Variants in SH3GL1 observed in about 807,000 individuals in gnomAD.
SH3GL1 encodes the protein SH3 domain containing GRB2 like 1, endophilin A2, also known as endophilin-A2.
A neutral mutation model predicts 48.8 loss-of-function variants in SH3GL1; 21 were observed. The observed-to-expected ratio is 0.43, with a 90% CI of 0.30 to 0.62. SH3GL1 has a LOEUF of 0.62. Ranked by LOEUF, SH3GL1 falls within the 20% of genes least tolerant of loss-of-function variation. The pLI, the probability that SH3GL1 is intolerant of heterozygous loss-of-function variation, is 0.11. For synonymous variants in SH3GL1, 282 were observed against 217.5 expected (o/e 1.30, Z -2.61); for missense variants, 454 against 503.0 (o/e 0.90, Z 0.93).
At chr19:4,363,688 C>A in intron 6 of SH3GL1, 32 bp downstream of exon 6, 2 of 1,611,912 alleles carry the variant, frequency 1.2e-6, no homozygotes, top group Non-Finnish European at 1.7e-6. Context: ...GGGCATAGGT[C>A]TTCTCAGGAT....
rs538995591 is a variant in SH3GL1, at chr19:4,364,501, G to T, written c.332-280C>A. On this transcript the variant is annotated intron_variant, in intron 4 of 9. Coordinates refer to ENST00000269886, the MANE Select transcript of SH3GL1 (RefSeq NM_003025.4). ...GCTGCAGTGCAGTGGCATGATCTCA[G>T]CTCACTGCAACCTCTGCCTCCCAGG... is the stretch of plus-strand genomic sequence containing the variant. The T allele has an allele frequency of 8.7e-4, 377 of 434,204 alleles. 6 individuals are homozygous for T. Among genetic ancestry groups the T allele is most frequent in the South Asian group, 8.0e-3 (358 of 44,608 alleles). 26.9% of individuals were successfully genotyped at this position (434,204 alleles called of 1,614,324 possible).
chr19:4,374,742 C>T (rs1972972085), intron 1 of SH3GL1, among the ~76,000 whole-genome samples: 1 of 152,206 alleles, frequency 6.6e-6, no homozygotes, highest in African/African-American at 2.4e-5. Context: ...TGGCCTGGCC[C>T]CTGGGCCCCT....
intron 9 of SH3GL1, among the ~76,000 whole-genome samples, chr19:4,362,021 G>A (rs1972630911): frequency 6.6e-6 from 1 of 152,214 alleles, no homozygotes; most frequent in Admixed American, 6.5e-5. Context: ...AGCTACTCCT[G>A]GGAAGTGCTG....
intron 3 of SH3GL1, among the ~76,000 whole-genome samples, chr19:4,366,191 A>C (rs867929979): frequency 1.3e-5 from 2 of 152,202 alleles, no homozygotes; most frequent in Non-Finnish European, 2.9e-5. Flanking sequence ...GGGGCGGCCA[A>C]TACAAATGGA....
chr19:4,382,319 G>A (rs543020393), intron 1 of SH3GL1, among the ~76,000 whole-genome samples: 258 of 144,336 alleles, frequency 1.8e-3, no homozygotes, highest in African/African-American at 6.3e-3. Context: ...GTGCAGTGGC[G>A]CGATCTCGGC....
chr19:4,390,987 A>C (rs540056931), intron 1 of SH3GL1, among the ~76,000 whole-genome samples: 1 of 152,286 alleles, frequency 6.6e-6, no homozygotes, highest in Admixed American at 6.5e-5. Context: ...ATCACGGAGG[A>C]GGAAAAGGGC....
intron 1 of SH3GL1, among the ~76,000 whole-genome samples, chr19:4,383,400 TTTTTTGG>T (rs990003759): frequency 6.6e-6 from 1 of 151,748 alleles, no homozygotes; most frequent in African/African-American, 2.4e-5. Flanking sequence ...TTATTTTTTA[TTTTTTGG>T]TATTTTTGTA....
Position 4,363,810 on chromosome 19 carries a change from G to A in SH3GL1, c.534C>T (p.Ile178=), listed in dbSNP as rs762381846. The change falls in exon 6 of 10, where the codon ATC becomes ATT. Residue 178 remains isoleucine (I), a synonymous_variant. Coordinates refer to ENST00000269886, the MANE Select transcript of SH3GL1 (RefSeq NM_003025.4). The part of the protein sequence containing the change: ...FDYKKKRQGK[I]PDEELRQALE... ...GCGCCTGGCGTAGCTCCTCATCGGG[G>A]ATCTTGCCCTGCCGCTTCTTCTTGT... 6.8e-6 allele frequency: 11 copies of A among 1,613,544 alleles called. No homozygotes were observed. The highest frequency in any genetic ancestry group is 3.5e-4 in the Middle Eastern group (2 of 5,726).
At chr19:4,393,641 T>C (rs1002525836) in intron 1 of SH3GL1, among the ~76,000 whole-genome samples, 4 of 151,570 alleles carry the variant, frequency 2.6e-5, no homozygotes, top group African/African-American at 9.7e-5. Context: ...AATACAAAAA[T>C]GAGCTGGGCG....
At chr19:4,371,546 G>T (rs577882462) in intron 1 of SH3GL1, among the ~76,000 whole-genome samples, 1 of 152,260 alleles carries the variant, frequency 6.6e-6, no homozygotes, top group Non-Finnish European at 1.5e-5. Flanking sequence ...TGAATTCACA[G>T]GGTTTTGTTT....
At chr19:4,379,141 C>A (rs1033623993) in intron 1 of SH3GL1, among the ~76,000 whole-genome samples, 1 of 152,140 alleles carries the variant, frequency 6.6e-6, no homozygotes, top group African/African-American at 2.4e-5. Flanking sequence ...GTTCTACTGG[C>A]GGACGAGGGC....
Position 4,361,449 on chromosome 19 carries a change from C to T in SH3GL1, c.*151G>A. Reference sequence around the variant, plus strand: ...AAGCCCCCCCACCCAAGTGTGGGGTCCTGCTCAGGGAGTACCTCAAGGGCC... The same window carrying T: ...AAGCCCCCCCACCCAAGTGTGGGGTTCTGCTCAGGGAGTACCTCAAGGGCC... On this transcript the variant is annotated 3_prime_UTR_variant, in exon 10 of 10. Transcript: ENST00000269886. 1.6e-6 allele frequency: 1 copy of T among 622,920 alleles called. No homozygotes were observed. The highest frequency in any genetic ancestry group is 2.8e-6 in the Non-Finnish European group (1 of 355,724). The allele number at this position is 622,920 out of a possible 1,614,324, so 38.6% of individuals were successfully genotyped here.
intron 1 of SH3GL1, among the ~76,000 whole-genome samples, chr19:4,391,554 G>A (rs931999877): frequency 6.6e-6 from 1 of 152,200 alleles, no homozygotes; most frequent in Non-Finnish European, 1.5e-5. Context: ...AGAAATCGGA[G>A]TCTGATGACC....
chr19:4,390,843 C>G (rs1191612217), intron 1 of SH3GL1, among the ~76,000 whole-genome samples: 1 of 152,052 alleles, frequency 6.6e-6, no homozygotes, highest in Non-Finnish European at 1.5e-5. Context: ...CTCTGAGCTT[C>G]TCCTCTAAGC....
chr19:4,388,149 G>A (rs1049508194), intron 1 of SH3GL1, among the ~76,000 whole-genome samples: 9 of 152,152 alleles, frequency 5.9e-5, no homozygotes, highest in East Asian at 3.8e-4. Flanking sequence ...GTGAGCCATC[G>A]TGTCCGGCCT....
rs150549529 is a variant in SH3GL1, at chr19:4,388,008, C to T, written c.45+12316G>A. Among the ~76,000 whole-genome samples the T allele has an allele frequency of 2.6e-3, 392 of 152,142 alleles. 1 individual carries two copies. Among genetic ancestry groups the T allele is most frequent in the African/African-American group, 9.1e-3 (378 of 41,502 alleles). On this transcript the variant is annotated intron_variant, in intron 1 of 9. Coordinates refer to ENST00000269886, the MANE Select transcript of SH3GL1 (RefSeq NM_003025.4). ...CTGAGTAGCTGGGATTACAGCCATG[C>T]GCCACCCACGCCCAGCTAATTTTTG...
rs796369655 is a variant in SH3GL1, at chr19:4,362,787, GC to G, written c.729-52del. ...CCGAGCCCGTGTCACGGCCGAGGCA[GC>G]CCCACTCTTGTATTTATGCTGCTGC... On this transcript the variant is annotated intron_variant, in intron 7 of 9. Transcript: ENST00000269886. 5.0e-6 allele frequency: 8 copies of G among 1,611,014 alleles called. No individual in the cohort carries two copies. In the African/African-American group the frequency reaches 1.1e-4, roughly 21 times the overall value.
Position 4,366,935 on chromosome 19 carries a change from C to T in SH3GL1, c.105G>A (p.Glu35=). The change falls in exon 2 of 10, where the codon GAG becomes GAA. Residue 35 remains glutamate, a synonymous_variant. Transcript: ENST00000269886. The part of the protein sequence containing the change: ...EGTKLDDDFK[E]MEKKVDVTSK... ...GCAGTTTCTTCCTCACCTTCTCCAT[C>T]TCTTTGAAGTCATCATCCAGCTTGG... 6.2e-7 allele frequency: 1 copy of T among 1,613,928 alleles called. No individual in the cohort carries two copies. Among genetic ancestry groups the T allele is most frequent in the African/African-American group, 1.3e-5 (1 of 75,066 alleles).
intron 1 of SH3GL1, among the ~76,000 whole-genome samples, chr19:4,395,043 G>A (rs936647085): frequency 2.0e-5 from 3 of 152,398 alleles, no homozygotes; most frequent in African/African-American, 4.8e-5. Flanking sequence ...GAGCCCCGAT[G>A]CCTGTGGCTC....
Sources: allele counts gnomAD v4.1 joint callset (sites outside exome capture counted in the v4.1 genomes callset), GRCh38; gene constraint gnomAD v4.1.1; transcripts MANE v1.5; gene names NCBI Gene and HGNC (gene_info 2026-07-23, HGNC 2026-07-21).